The following KCNC2 variants were observed in gnomAD, a reference collection of about 807,000 sequenced individuals.
KCNC2 encodes the protein potassium voltage-gated channel subfamily C member 2, also known as voltage-gated potassium channel KCNC2.
Under a neutral mutation model 44.5 loss-of-function variants are expected in KCNC2, and 21 were observed. The observed-to-expected ratio is 0.47, with a 90% confidence interval of 0.33 to 0.68. KCNC2 has a LOEUF of 0.68. KCNC2 is among the 30% of genes least tolerant of loss of function. The probability of loss-of-function intolerance (pLI) is 0.01; values close to 1 mark genes in which losing one functional copy is unlikely to be tolerated. For missense variants in KCNC2, 589 were observed against 826.2 expected (o/e 0.71, Z 3.52); for synonymous variants, 391 against 339.1 (o/e 1.15, Z -1.68).
At chr12:75,080,238 T>C (rs999699946) in intron 2 of KCNC2, among the ~76,000 whole-genome samples, 9 of 152,130 alleles carry the variant, frequency 5.9e-5, no homozygotes, top group African/African-American at 2.2e-4. Flanking sequence ...TTAAAATAAC[T>C]TGCTAAGAGA....
intron 2 of KCNC2, among the ~76,000 whole-genome samples, chr12:75,058,123 T>A (rs1369946797): frequency 6.6e-6 from 1 of 152,016 alleles, no homozygotes; most frequent in Non-Finnish European, 1.5e-5. Context: ...AGTATCATTT[T>A]GCTTTCTTAA....
At chr12:75,070,545 A>T (rs1175052819) in intron 2 of KCNC2, among the ~76,000 whole-genome samples, 4 of 152,038 alleles carry the variant, frequency 2.6e-5, no homozygotes, top group Non-Finnish European at 1.5e-5. Flanking sequence ...AACAGTATGT[A>T]GAAAGAAAAC....
chr12:75,066,183 A>G (rs756884007), intron 2 of KCNC2, among the ~76,000 whole-genome samples: 2 of 151,990 alleles, frequency 1.3e-5, no homozygotes, highest in African/African-American at 2.4e-5. Context: ...TAATTATCCA[A>G]TGTTCACAGT....
chr12:75,140,151 T>C (rs1028932426), intron 2 of KCNC2: 12 of 152,342 alleles, frequency 7.9e-5, no homozygotes, highest in Non-Finnish European at 1.5e-4. Context: ...CTCACTTACA[T>C]GTCTGGACTT....
intron 2 of KCNC2, among the ~76,000 whole-genome samples, chr12:75,168,209 C>T (rs970207152): frequency 6.6e-6 from 1 of 151,366 alleles, no homozygotes; most frequent in Non-Finnish European, 1.5e-5. Context: ...AACTCTATGA[C>T]TTTTAAATAC....
At chr12:75,105,947 TAGAG>T (rs1453336101) in intron 2 of KCNC2, among the ~76,000 whole-genome samples, 4 of 151,210 alleles carry the variant, frequency 2.6e-5, no homozygotes, top group Non-Finnish European at 5.9e-5. Context: ...AGATCACTTA[TAGAG>T]AGAGAGATTG....
intron 2 of KCNC2, among the ~76,000 whole-genome samples, chr12:75,173,057 C>T (rs1023320097): frequency 6.6e-6 from 1 of 151,986 alleles, no homozygotes; most frequent in African/African-American, 2.4e-5. Flanking sequence ...TATATACCCT[C>T]ATGGTAATAA....
chr12:75,166,677 TAGTC>T (rs774108535), intron 2 of KCNC2, among the ~76,000 whole-genome samples: 1 of 151,092 alleles, frequency 6.6e-6, no homozygotes, highest in African/African-American at 2.4e-5. Flanking sequence ...AGTTCACAAA[TAGTC>T]AGAAATTAAA....
intron 2 of KCNC2, among the ~76,000 whole-genome samples, chr12:75,186,438 T>C (rs1892955780): frequency 6.6e-6 from 1 of 152,192 alleles, no homozygotes; most frequent in Non-Finnish European, 1.5e-5. Context: ...TAATACTCTT[T>C]TCATAAATAT....
At chr12:75,151,986 A>ATT (rs2137469891) in intron 2 of KCNC2, among the ~76,000 whole-genome samples, 2 of 146,322 alleles carry the variant, frequency 1.4e-5, no homozygotes, top group South Asian at 4.2e-4. Flanking sequence ...TATATTATAT[A>ATT]TTATATATAT....
At chr12:75,159,606 C>T (rs1189784160) in intron 2 of KCNC2, among the ~76,000 whole-genome samples, 6 of 151,812 alleles carry the variant, frequency 4.0e-5, no homozygotes, top group Admixed American at 3.3e-4. Flanking sequence ...CTTGAAACTC[C>T]CTTAAACTCA....
At position 75,207,525 on chromosome 12, in the gene KCNC2, C is replaced by A; in HGVS notation, c.459G>T (p.Trp153Cys). The change falls in exon 2 of 5, where the codon TGG (tryptophan) becomes TGT (cysteine). Residue 153 changes from tryptophan to cysteine, a missense_variant. By Grantham distance (215) the Trp-to-Cys change is radical. Transcript: ENST00000549446. The surrounding 1 kb of genome is among the most constrained non-coding windows in gnomAD (Gnocchi z 4.1). ...IDETDVEPCC[W>C]MTYRQHRDAE... ...CGTCGCGGTGCTGCCGGTAGGTCAT[C>A]CAGCAGCAGGGCTCCACGTCGGTCT... 3 of 1,612,308 alleles carry A rather than the reference C, an allele frequency of 1.9e-6. No homozygotes were observed. The highest frequency in any genetic ancestry group is 2.5e-6 in the Non-Finnish European group (3 of 1,179,870).
intron 2 of KCNC2, among the ~76,000 whole-genome samples, chr12:75,146,876 C>A (rs570574965): frequency 1.3e-5 from 2 of 152,224 alleles, no homozygotes; most frequent in Non-Finnish European, 2.9e-5. Flanking sequence ...CGAGGAAACA[C>A]TTTTCACTGA....
At chr12:75,205,528 C>G (rs2031613733) in intron 2 of KCNC2, among the ~76,000 whole-genome samples, 1 of 152,120 alleles carries the variant, frequency 6.6e-6, no homozygotes, top group Non-Finnish European at 1.5e-5. Context: ...AATCAAATTT[C>G]ATGGCAATGA....
At chr12:75,098,287 G>A (rs1052160433) in intron 2 of KCNC2, among the ~76,000 whole-genome samples, 11 of 152,024 alleles carry the variant, frequency 7.2e-5, no homozygotes, top group Non-Finnish European at 1.5e-5. Context: ...GTCTTATTAG[G>A]CACTTATATT....
chr12:75,111,263 G>A (rs1887214751), intron 2 of KCNC2, among the ~76,000 whole-genome samples: 1 of 152,016 alleles, frequency 6.6e-6, no homozygotes, highest in Non-Finnish European at 1.5e-5. Context: ...CTTCTAGTCT[G>A]TAGATTTTGA....
At chr12:75,120,327 G>T (rs2137283494) in intron 2 of KCNC2, among the ~76,000 whole-genome samples, 1 of 152,322 alleles carries the variant, frequency 6.6e-6, no homozygotes, top group Middle Eastern at 3.4e-3. Flanking sequence ...TTGAGGCTTG[G>T]CAGAAAGCCT....
intron 2 of KCNC2, among the ~76,000 whole-genome samples, chr12:75,117,785 C>T (rs1887777046): frequency 6.6e-6 from 1 of 152,018 alleles, no homozygotes; most frequent in African/African-American, 2.4e-5. Context: ...AACTATAATG[C>T]CTTCTTCATC....
At chr12:75,084,743 A>C (rs1336277576) in intron 2 of KCNC2, among the ~76,000 whole-genome samples, 1 of 151,988 alleles carries the variant, frequency 6.6e-6, no homozygotes, top group African/African-American at 2.4e-5. Flanking sequence ...GAAAGACTGA[A>C]GTAATGGCCT....
Sources: allele counts gnomAD v4.1 joint callset (sites outside exome capture counted in the v4.1 genomes callset), GRCh38; gene constraint gnomAD v4.1.1; non-coding constraint Gnocchi (gnomAD v3.1); transcripts MANE v1.5; gene names NCBI Gene and HGNC (gene_info 2026-07-23, HGNC 2026-07-21).